Variants in SMIM36 observed in about 807,000 individuals in gnomAD.
The protein encoded by SMIM36 is small integral membrane protein 36.
the SMIM36 span, chr17:55,528,207 T>C: frequency 6.6e-6 from 1 of 152,256 alleles, no homozygotes; most frequent in South Asian, 2.1e-4. Flanking sequence ...CCTAGCCTCA[T>C]GTGAGGCACA....
intron 1 of SMIM36, among the ~76,000 whole-genome samples, chr17:55,486,508 T>C (rs1260692158): frequency 6.6e-6 from 1 of 152,184 alleles, no homozygotes; most frequent in Non-Finnish European, 1.5e-5. Flanking sequence ...TGATCAGAAC[T>C]GGCTGACGAT....
the SMIM36 span, among the ~76,000 whole-genome samples, chr17:55,519,594 G>C: frequency 6.6e-6 from 1 of 152,164 alleles, no homozygotes; most frequent in South Asian, 2.1e-4. Flanking sequence ...TTGGAGTTGA[G>C]ATAATAAAAA....
chr17:55,468,551 A>G (rs1200483662), intron 3 of SMIM36: 2 of 152,822 alleles, frequency 1.3e-5, no homozygotes, highest in Non-Finnish European at 2.9e-5. Flanking sequence ...GTGTCTGATC[A>G]CCGTGGGGAT....
intron 3 of SMIM36, chr17:55,468,346 C>T (rs944829626): frequency 1.3e-5 from 2 of 152,582 alleles, no homozygotes; most frequent in African/African-American, 4.8e-5. Flanking sequence ...CTTCTCCAGC[C>T]TCTCTTGCTA....
chr17:55,489,993 C>T (rs1361524504), intron 1 of SMIM36, among the ~76,000 whole-genome samples: 3 of 151,662 alleles, frequency 2.0e-5, no homozygotes, highest in Admixed American at 6.6e-5. Flanking sequence ...TGACTATAGG[C>T]GCCTGCCACT....
At chr17:55,453,748 TCTA>T (rs1908967064) in intron 4 of SMIM36, among the ~76,000 whole-genome samples, 1 of 152,214 alleles carries the variant, frequency 6.6e-6, no homozygotes, top group African/African-American at 2.4e-5. Flanking sequence ...ATTTATTAGT[TCTA>T]CTATTAATGG....
intron 1 of SMIM36, among the ~76,000 whole-genome samples, chr17:55,489,258 ATCCCAG>A (rs1347379601): frequency 1.3e-5 from 2 of 152,050 alleles, no homozygotes; most frequent in African/African-American, 4.8e-5. Context: ...CATGCCTGTA[ATCCCAG>A]TTACTTGGGA....
At chr17:55,502,317 T>C (rs929238103) in intron 1 of SMIM36, among the ~76,000 whole-genome samples, 24 of 131,002 alleles carry the variant, frequency 1.8e-4, no homozygotes, top group South Asian at 2.6e-4. Context: ...CAGACTTAAA[T>C]GTCCCTGTCT....
At chr17:55,530,696 T>A in the SMIM36 span, among the ~76,000 whole-genome samples, 1 of 151,926 alleles carries the variant, frequency 6.6e-6, no homozygotes, top group Non-Finnish European at 1.5e-5. Context: ...GGCAGGAGAA[T>A]CACTTGAACC....
chr17:55,458,631 C>T (rs1375107768), intron 4 of SMIM36, among the ~76,000 whole-genome samples: 1 of 148,436 alleles, frequency 6.7e-6, no homozygotes, highest in Admixed American at 6.8e-5. Context: ...AGGAGCACGT[C>T]GGCTGAAGAA....
intron 3 of SMIM36, among the ~76,000 whole-genome samples, chr17:55,471,843 C>T (rs1447456802): frequency 2.0e-5 from 3 of 152,330 alleles, no homozygotes; most frequent in African/African-American, 4.8e-5. Flanking sequence ...CAGTTCTGGG[C>T]TGGCCTCTGT....
At chr17:55,466,277 C>CAA (rs796506078) in intron 4 of SMIM36, among the ~76,000 whole-genome samples, 3,051 of 46,218 alleles carry the variant, frequency 0.066, 239 homozygotes, top group African/African-American at 0.14. Context: ...GACTCCGTCT[C>CAA]AAAAAAAAAA....
intron 1 of SMIM36, among the ~76,000 whole-genome samples, chr17:55,494,983 T>C (rs1307423575): frequency 6.6e-6 from 1 of 152,184 alleles, no homozygotes; most frequent in Non-Finnish European, 1.5e-5. Context: ...ATTCAGGCAA[T>C]GTATGCAAAG....
At chr17:55,483,380 A>C (rs1811273587) in intron 1 of SMIM36, among the ~76,000 whole-genome samples, 1 of 152,230 alleles carries the variant, frequency 6.6e-6, no homozygotes, top group Non-Finnish European at 1.5e-5. Flanking sequence ...TAGCTAGGCC[A>C]CAGTACCCAG....
intron 1 of SMIM36, among the ~76,000 whole-genome samples, chr17:55,488,789 G>A (rs114619349): frequency 6.6e-6 from 1 of 152,046 alleles, no homozygotes; most frequent in African/African-American, 2.4e-5. Flanking sequence ...GACCTGCTGG[G>A]TCAAATGTCT....
At chr17:55,520,786 A>G in the SMIM36 span, among the ~76,000 whole-genome samples, 1 of 152,224 alleles carries the variant, frequency 6.6e-6, no homozygotes, top group Non-Finnish European at 1.5e-5. Flanking sequence ...GAAACTGTGG[A>G]TAAGAGGGAA....
the SMIM36 span, among the ~76,000 whole-genome samples, chr17:55,528,726 T>C: frequency 2.6e-5 from 4 of 151,950 alleles, no homozygotes; most frequent in African/African-American, 9.7e-5. Flanking sequence ...ATTTTTGTAT[T>C]TTTAGTAGAG....
rs17819278 is a variant in SMIM36, at chr17:55,496,652, G to T, written c.*174+14227C>A. 8.5e-5 allele frequency among the ~76,000 whole-genome samples: 13 copies of T among 152,112 alleles called. 1 individual carries two copies. Among genetic ancestry groups the T allele is most frequent in the Middle Eastern group, 6.8e-3 (2 of 294 alleles). On this transcript the variant is annotated intron_variant, in intron 1 of 4. Coordinates refer to ENST00000636752, the Ensembl canonical transcript of SMIM36. Reference sequence around the variant, plus strand: ...TTCTTGCTCCTCTTGGGCAATACTTGTCTGTGTCTGCCCTCTAGTTCTCAG... The same window carrying T: ...TTCTTGCTCCTCTTGGGCAATACTTTTCTGTGTCTGCCCTCTAGTTCTCAG...
exon 5 of SMIM36, chr17:55,449,900 TGATA>T (rs1218360200): frequency 3.3e-5 from 5 of 152,176 alleles, no homozygotes; most frequent in African/African-American, 7.2e-5. Flanking sequence ...GGGTGATCAC[TGATA>T]GATAGATGCA....
Sources: allele counts gnomAD v4.1 joint callset (sites outside exome capture counted in the v4.1 genomes callset), GRCh38; gene constraint gnomAD v4.1.1; transcripts MANE v1.5; gene names NCBI Gene and HGNC (gene_info 2026-07-23, HGNC 2026-07-21).